CFLAR: variants seen among roughly 807,000 people sequenced by gnomAD.
The protein encoded by CFLAR is CASP8 and FADD like apoptosis regulator.
In CFLAR, 14 loss-of-function variants were observed where a neutral mutation model predicts 51.1. That is an observed-to-expected ratio of 0.27 (90% CI 0.18 to 0.43). The LOEUF (loss-of-function observed/expected upper bound fraction) is 0.43. CFLAR is among the 20% of genes least tolerant of loss of function. CFLAR has a pLI of 1.00. For missense variants in CFLAR, 390 were observed against 566.5 expected, an observed-to-expected ratio of 0.69 and a Z score of 3.16; for synonymous variants, 210 against 211.6, an observed-to-expected ratio of 0.99 and a Z score of 0.06.
chr2:201,144,600 G>A (rs184083798), intron 5 of CFLAR, among the ~76,000 whole-genome samples: 147 of 152,256 alleles, frequency 9.7e-4, no homozygotes, highest in Non-Finnish European at 1.7e-3. Flanking sequence ...TAACTTGCTC[G>A]AGGTTACATA....
intron 6 of CFLAR, chr2:201,148,430 T>G (rs2125842699): frequency 6.6e-6 from 1 of 152,382 alleles, no homozygotes; most frequent in Admixed American, 6.5e-5. Flanking sequence ...CAAGTCATTT[T>G]TTTCTAGCAA....
At chr2:201,145,557 A>G in intron 6 of CFLAR, 125 bp downstream of exon 6, 3 of 673,936 alleles carry the variant, frequency 4.5e-6, no homozygotes, top group Non-Finnish European at 7.9e-6. Flanking sequence ...CAAAATAAAA[A>G]CTGGTTAAAC....
At position 201,138,652 on chromosome 2, in the gene CFLAR, G is replaced by T. The variant is rs1248475243; in HGVS notation, c.524-1705G>T. 1.4e-5 allele frequency: 17 copies of T among 1,224,594 alleles called. No individual in the cohort carries two copies. Among genetic ancestry groups the T allele is most frequent in the Admixed American group, 3.4e-5 (2 of 58,384 alleles). The allele number at this position is 1,224,594 out of a possible 1,614,324, so 75.9% of individuals were successfully genotyped here. ...ATGGGGATGCCAGAGAAGCCATGAC[G>T]CATCTTGGCCTCCAACACATCACCC... On this transcript the variant is annotated intron_variant, in intron 4 of 9. Transcript: ENST00000309955. The surrounding 1 kb of genome is among the most constrained non-coding windows in gnomAD (Gnocchi z 4.0).
intron 5 of CFLAR, among the ~76,000 whole-genome samples, chr2:201,142,281 A>C (rs1193504132): frequency 2.3e-5 from 2 of 86,796 alleles, no homozygotes; most frequent in African/African-American, 1.4e-4. Flanking sequence ...TCTCTAAAAG[A>C]AAAAAAAATA....
Position 201,164,080 on chromosome 2 carries a change from A to C in CFLAR, c.*107A>C. On this transcript the variant is annotated 3_prime_UTR_variant, in exon 10 of 10. Transcript: ENST00000309955. ...CAGGAGTTCGAGACCAGCCTGGCCAACATGGTAAACGCTGTCCCTAGTAAA... is the reference window on the plus strand; with the variant it reads ...CAGGAGTTCGAGACCAGCCTGGCCACCATGGTAAACGCTGTCCCTAGTAAA... 2.4e-6 allele frequency: 2 copies of C among 819,220 alleles called. No homozygotes were observed. Among genetic ancestry groups the C allele is most frequent in the East Asian group, 5.7e-5 (2 of 35,348 alleles). 50.7% of individuals were successfully genotyped at this position (819,220 alleles called of 1,614,324 possible).
At position 201,160,316 on chromosome 2, in the gene CFLAR, C is replaced by G. The variant is rs1487846051; in HGVS notation, c.794-116C>G. The G allele has an allele frequency of 1.1e-5, 13 of 1,148,396 alleles. 1 individual carries two copies. Among genetic ancestry groups the G allele is most frequent in the Non-Finnish European group, 1.2e-6 (1 of 809,266 alleles). 71.1% of individuals were successfully genotyped at this position (1,148,396 alleles called of 1,614,324 possible). A position where few individuals can be genotyped will look rare whatever the true frequency, so the allele number is the denominator to read the frequency against. ...GACTCAGGCACATCAAAATATGACACAAAAGCAGAAGCTTTTCATAATGGA... is the reference window on the plus strand; with the variant it reads ...GACTCAGGCACATCAAAATATGACAGAAAAGCAGAAGCTTTTCATAATGGA... On this transcript the variant is annotated intron_variant, in intron 8 of 9. Transcript: ENST00000309955.
rs1456825541 is a variant in CFLAR at position 201,164,874 on chromosome 2, A to G, written c.*901A>G. The G allele has an allele frequency of 6.6e-6, 1 of 152,202 alleles. No individual in the cohort carries two copies. Among genetic ancestry groups the G allele is most frequent in the East Asian group, 1.9e-4 (1 of 5,202 alleles). The allele number at this position is 152,202 out of a possible 1,614,324, so 9.4% of individuals were successfully genotyped here. ...AGTGGTAGCATATCTGGTGTCTGGT[A>G]AGGCATGCTTCCAGATCTTACCAGA... On this transcript the variant is annotated 3_prime_UTR_variant, in exon 10 of 10. Transcript: ENST00000309955.
intron 9 of CFLAR, among the ~76,000 whole-genome samples, chr2:201,162,266 G>A (rs1166392287): frequency 6.6e-6 from 1 of 151,452 alleles, no homozygotes; most frequent in Non-Finnish European, 1.5e-5. Flanking sequence ...CTACGGCTTT[G>A]CTAATTTTTG....
At chr2:201,163,621 G>C (rs1245937382) in intron 9 of CFLAR, 16 of 1,364,632 alleles carry the variant, frequency 1.2e-5, no homozygotes, top group African/African-American at 1.5e-5. Context: ...TATGTTCCCA[G>C]AGTGAAACTC....
chr2:201,142,905 A>G (rs544994609), intron 5 of CFLAR: 1 of 152,288 alleles, frequency 6.6e-6, no homozygotes, highest in South Asian at 2.1e-4. Flanking sequence ...GGCCTAGCAT[A>G]TATTTTTTAA....
rs1164813271 is a variant in CFLAR at position 201,174,181 on chromosome 2, T to TA, written c.*10214dup. ...TTGCTTATGCTTTTGGTGTCATACC[T>TA]AAAAAACCATTGTCTAAATCAATTG... On this transcript the variant is annotated 3_prime_UTR_variant, in exon 10 of 10. Coordinates refer to ENST00000309955, the MANE Select transcript of CFLAR (RefSeq NM_003879.7). The TA allele has an allele frequency of 6.7e-6, 1 of 150,210 alleles. No homozygotes were observed. Among genetic ancestry groups the TA allele is most frequent in the Admixed American group, 6.6e-5 (1 of 15,244 alleles). The allele number at this position is 150,210 out of a possible 1,614,324, so 9.3% of individuals were successfully genotyped here.
chr2:201,119,839 G>GTT lies in CFLAR; in HGVS notation c.-138+3373_-138+3374dup, dbSNP rs35011582. Among the ~76,000 whole-genome samples, 955 of 120,782 alleles carry GTT rather than the reference G, an allele frequency of 7.9e-3. 13 individuals carry two copies. The highest frequency in any genetic ancestry group is 0.026 in the African/African-American group (872 of 33,214). The allele number at this position is 120,782 out of a possible 152,430, so 79.2% of individuals were successfully genotyped here. On this transcript the variant is annotated intron_variant, in intron 1 of 9. Transcript: ENST00000309955. ...AGATAACCAAAGGTTTCAGTTTAAT[G>GTT]TTTTTTTTTTTTTTTTCACACATGT...
At chr2:201,155,322 A>G (rs1362501669) in intron 8 of CFLAR, among the ~76,000 whole-genome samples, 1 of 151,772 alleles carries the variant, frequency 6.6e-6, no homozygotes, top group Non-Finnish European at 1.5e-5. Context: ...CTGGAGTGCA[A>G]TGGCGTTATC....
chr2:201,141,294 T>C, intron 5 of CFLAR: 1 of 1,476,226 alleles, frequency 6.8e-7, no homozygotes, highest in Non-Finnish European at 9.0e-7. Context: ...TAAAGGCAGC[T>C]GTTGTGAACT....
At position 201,174,416 on chromosome 2, in the gene CFLAR, A is replaced by G. The variant is rs1034689703; in HGVS notation, c.*10443A>G. On this transcript the variant is annotated 3_prime_UTR_variant, in exon 10 of 10. Coordinates refer to ENST00000309955, the MANE Select transcript of CFLAR (RefSeq NM_003879.7). The stretch of plus-strand genomic sequence containing the variant: ...TATACTTATCACAAATCAACTAACT[A>G]TAAGGGTTTATTTCTGGACTCAATT... 6 of 152,230 alleles carry G rather than the reference A, an allele frequency of 3.9e-5. No homozygotes were observed. Among genetic ancestry groups the G allele is most frequent in the African/African-American group, 1.4e-4 (6 of 41,460 alleles). The allele number at this position is 152,230 out of a possible 1,614,324, so 9.4% of individuals were successfully genotyped here.
intron 4 of CFLAR, chr2:201,136,722 G>A (rs2050181126): frequency 1.7e-6 from 1 of 584,414 alleles, no homozygotes; most frequent in East Asian, 3.4e-5. Context: ...TTGATCTATA[G>A]AGCACTCTTT....
rs1944002158 is a variant in CFLAR at position 201,171,412 on chromosome 2, A to G, written c.*7439A>G. The G allele has an allele frequency of 6.6e-6, 1 of 152,214 alleles. No individual in the cohort carries two copies. The allele number at this position is 152,214 out of a possible 1,614,324, so 9.4% of individuals were successfully genotyped here. A position where few individuals can be genotyped will look rare whatever the true frequency, so the allele number is the denominator to read the frequency against. The stretch of plus-strand genomic sequence containing the variant: ...AACTAACAGAGGAGCAGGAAACCAA[A>G]CACCACATGTTCTCACTTGTAAGCG... On this transcript the variant is annotated 3_prime_UTR_variant, in exon 10 of 10. Coordinates refer to ENST00000309955, the MANE Select transcript of CFLAR (RefSeq NM_003879.7).
rs1304450725 is a variant in CFLAR at position 201,174,827 on chromosome 2, T to C, written c.*10854T>C. 6.6e-6 allele frequency: 1 copy of C among 152,084 alleles called. No individual in the cohort carries two copies. 9.4% of individuals were successfully genotyped at this position (152,084 alleles called of 1,614,324 possible). A position where few individuals can be genotyped will look rare whatever the true frequency, so the allele number is the denominator to read the frequency against. On this transcript the variant is annotated 3_prime_UTR_variant, in exon 10 of 10. Coordinates refer to ENST00000309955, the MANE Select transcript of CFLAR (RefSeq NM_003879.7). Reference sequence around the variant, plus strand: ...AATGAGAGGAGTTTGGCAGGACTGGTTTCCCAAGACCACAAGACCCTGTAA... The same window carrying C: ...AATGAGAGGAGTTTGGCAGGACTGGCTTCCCAAGACCACAAGACCCTGTAA...
Position 201,119,439 on chromosome 2 carries a change from T to C in CFLAR, c.-138+2958T>C, listed in dbSNP as rs574282952. ...CCATGGTGGGGCAGTTATGACACCATGGGTTCTTTTTGTTTATTTGTTTGT... is the reference window on the plus strand; with the variant it reads ...CCATGGTGGGGCAGTTATGACACCACGGGTTCTTTTTGTTTATTTGTTTGT... On this transcript the variant is annotated intron_variant, in intron 1 of 9. Transcript: ENST00000309955. Among the ~76,000 whole-genome samples, 4 of 152,308 alleles carry C rather than the reference T, an allele frequency of 2.6e-5. No individual in the cohort carries two copies. The South Asian group carries it at 6.2e-4, about 24-fold the overall frequency.
Sources: gnomAD v4.1 joint callset for allele counts (sites outside exome capture counted in the v4.1 genomes callset) on GRCh38, gnomAD v4.1.1 for gene constraint, Gnocchi (gnomAD v3.1) non-coding constraint, MANE v1.5 for transcripts, NCBI Gene and HGNC (gene_info 2026-07-23, HGNC 2026-07-21) for gene names.